USH2A: variants seen among roughly 807,000 people sequenced by gnomAD.
The protein encoded by USH2A is Usher syndrome 2A (autosomal recessive, mild).
USH2A carries 443 observed loss-of-function variants against 538.9 expected under a neutral mutation model. The ratio of observed to expected loss-of-function variants is 0.82; its 90% CI spans 0.76 to 0.89. USH2A has a LOEUF of 0.89. USH2A is among the 40% of genes least tolerant of loss of function. The pLI is 0.00. For synonymous variants in USH2A, 2,413 were observed against 2,273.5 expected, an observed-to-expected ratio of 1.06 and a Z score of -1.75; for missense variants, 6,633 against 6,324.8, an observed-to-expected ratio of 1.05 and a Z score of -1.65.
At chr1:216,243,667 C>T (rs1425313421) in intron 13 of USH2A, among the ~76,000 whole-genome samples, 1 of 152,078 alleles carries the variant, frequency 6.6e-6, no homozygotes, top group Non-Finnish European at 1.5e-5. Flanking sequence ...TATGGAAGTT[C>T]CCTGTAGAGA....
chr1:216,043,681 G>T (rs948380171), intron 32 of USH2A, among the ~76,000 whole-genome samples: 1 of 151,974 alleles, frequency 6.6e-6, no homozygotes, highest in Non-Finnish European at 1.5e-5. Flanking sequence ...GTGTCATTTT[G>T]CAGGTGGTAT....
In USH2A at chr1:215,869,180, C is replaced by A. The variant is rs556412669; in HGVS notation, c.8682-2010G>T. Among the ~76,000 whole-genome samples, 5 of 152,156 alleles carry A rather than the reference C, an allele frequency of 3.3e-5. No homozygotes were observed. In the East Asian group the frequency reaches 9.7e-4, roughly 29 times the overall value. ...TATTTTGAAAATAAGAAAAACAAGG[C>A]TCAGAGAGATAAATAACTTGTCCAA... is the stretch of plus-strand genomic sequence containing the variant. On this transcript the variant is annotated intron_variant, in intron 43 of 71. Transcript: ENST00000307340.
chr1:215,651,500 T>C (rs1196393833), intron 64 of USH2A, among the ~76,000 whole-genome samples: 3 of 152,216 alleles, frequency 2.0e-5, no homozygotes, highest in Non-Finnish European at 4.4e-5. Context: ...AGTAGTAGTA[T>C]TCCTTAGTAA....
chr1:215,669,097 G>A (rs1657726060), intron 64 of USH2A, among the ~76,000 whole-genome samples: 1 of 152,152 alleles, frequency 6.6e-6, no homozygotes, highest in Admixed American at 6.6e-5. Flanking sequence ...CACAGATCAT[G>A]TGACCAGAAT....
chr1:215,777,116 A>T (rs1350355490), intron 55 of USH2A, among the ~76,000 whole-genome samples: 1 of 152,236 alleles, frequency 6.6e-6, no homozygotes, highest in Non-Finnish European at 1.5e-5. Flanking sequence ...TTACCAGATT[A>T]TGATTTTTTA....
At chr1:215,748,211 A>G (rs890730402) in intron 58 of USH2A, among the ~76,000 whole-genome samples, 2 of 152,096 alleles carry the variant, frequency 1.3e-5, no homozygotes, top group Non-Finnish European at 2.9e-5. Context: ...GTGCAGTGGC[A>G]TGATCTTGGT....
chr1:216,096,935 A>G, intron 22 of USH2A, 148 bp downstream of exon 22: 1 of 888,578 alleles, frequency 1.1e-6, no homozygotes, highest in South Asian at 1.8e-5. Flanking sequence ...TGTAAGTTTC[A>G]TTTTCTTGAT....
chr1:216,231,247 TATTATATATATA>T lies in USH2A; in HGVS notation c.2993+694_2993+705del, dbSNP rs1273869903. Among the ~76,000 whole-genome samples, 457 of 70,242 alleles carry T rather than the reference TATTATATATATA, an allele frequency of 6.5e-3. 16 individuals carry two copies. The highest frequency in any genetic ancestry group is 8.4e-3 in the Non-Finnish European group (298 of 35,478). 46.1% of individuals were successfully genotyped at this position (70,242 alleles called of 152,430 possible). On this transcript the variant is annotated intron_variant, in intron 14 of 71. Transcript: ENST00000307340. ...TACATATATCCCATATATATATATA[TATTATATATATA>T]ATATATATATATAATATATATACAC...
intron 32 of USH2A, among the ~76,000 whole-genome samples, chr1:216,009,198 G>A (rs574737618): frequency 1.3e-5 from 2 of 151,816 alleles, no homozygotes; most frequent in African/African-American, 2.4e-5. Context: ...AAGAACCCCT[G>A]AACCCCTTCC....
chr1:216,101,501 C>G (rs1487655060), intron 21 of USH2A, among the ~76,000 whole-genome samples: 1 of 152,146 alleles, frequency 6.6e-6, no homozygotes, highest in Non-Finnish European at 1.5e-5. Context: ...AATTTTAATA[C>G]AGCTGTGTAG....
At chr1:216,207,972 G>A (rs1270670960) in intron 15 of USH2A, among the ~76,000 whole-genome samples, 4 of 152,104 alleles carry the variant, frequency 2.6e-5, no homozygotes, top group East Asian at 3.9e-4. Flanking sequence ...ATCAAGAAAC[G>A]ATTTGAATAT....
At chr1:216,001,188 T>C (rs1280573793) in intron 32 of USH2A, among the ~76,000 whole-genome samples, 1 of 152,184 alleles carries the variant, frequency 6.6e-6, no homozygotes, top group East Asian at 1.9e-4. Flanking sequence ...AAACACTGTG[T>C]CATGACTATA....
chr1:216,339,720 A>G (rs538397168), intron 4 of USH2A, among the ~76,000 whole-genome samples: 25 of 151,828 alleles, frequency 1.6e-4, no homozygotes, highest in African/African-American at 5.5e-4. Flanking sequence ...TGAACAACCT[A>G]CTCCTGAACG....
chr1:216,331,403 A>G (rs957969560), intron 4 of USH2A, among the ~76,000 whole-genome samples: 7 of 152,106 alleles, frequency 4.6e-5, no homozygotes, highest in African/African-American at 1.4e-4. Context: ...GTCAGAAAAT[A>G]GACAGGTGAT....
chr1:216,370,905 C>A (rs1404835250), intron 3 of USH2A, among the ~76,000 whole-genome samples: 1 of 151,998 alleles, frequency 6.6e-6, no homozygotes, highest in Non-Finnish European at 1.5e-5. Context: ...AGGTGACATC[C>A]CCTGTGTACT....
At chr1:216,111,101 G>A (rs1194829421) in intron 21 of USH2A, among the ~76,000 whole-genome samples, 1 of 152,082 alleles carries the variant, frequency 6.6e-6, no homozygotes, top group Non-Finnish European at 1.5e-5. Flanking sequence ...TGGCACACTT[G>A]TAATCCCAGC....
At position 215,731,881 on chromosome 1, in the gene USH2A, A is replaced by C. The variant is rs1054479268; in HGVS notation, c.11712-3497T>G. 1.2e-4 allele frequency among the ~76,000 whole-genome samples: 18 copies of C among 152,284 alleles called. No individual in the cohort carries two copies. In the Middle Eastern group the frequency reaches 0.014, roughly 115 times the overall value. On this transcript the variant is annotated intron_variant, in intron 60 of 71. Coordinates refer to ENST00000307340, the MANE Select transcript of USH2A (RefSeq NM_206933.4). ...TCAGAAACATCTGTAGTCAGAGGAG[A>C]TAGGTTGGAGGTCCTGGCTCTGCCA...
intron 15 of USH2A, among the ~76,000 whole-genome samples, chr1:216,213,781 TA>T (rs1374385621): frequency 4.6e-5 from 7 of 151,250 alleles, no homozygotes; most frequent in South Asian, 4.2e-4. Flanking sequence ...AGTATACCAA[TA>T]AAAAAAATGA....
rs1019851638 is a variant in USH2A at position 215,624,748 on chromosome 1, G to C, written c.*1033C>G. The C allele has an allele frequency of 1.3e-5, 2 of 151,952 alleles. No individual in the cohort carries two copies. Among genetic ancestry groups the C allele is most frequent in the South Asian group, 4.2e-4 (2 of 4,814 alleles). 9.4% of individuals were successfully genotyped at this position (151,952 alleles called of 1,614,324 possible). A position where few individuals can be genotyped will look rare whatever the true frequency, so the allele number is the denominator to read the frequency against. ...TAATGGCTAGTTCTCCAAAAAGAAG[G>C]GATATAGTGCAGAGTAATATATACA... On this transcript the variant is annotated 3_prime_UTR_variant, in exon 72 of 72. Coordinates refer to ENST00000307340, the MANE Select transcript of USH2A (RefSeq NM_206933.4).
Sources: gnomAD v4.1 joint callset for allele counts (sites outside exome capture counted in the v4.1 genomes callset) on GRCh38, gnomAD v4.1.1 for gene constraint, MANE v1.5 for transcripts, NCBI Gene and HGNC (gene_info 2026-07-23, HGNC 2026-07-21) for gene names.